FOXP1: variants seen among roughly 807,000 people sequenced by gnomAD.
FOXP1 encodes forkhead box protein P1.
Under a neutral mutation model 98.2 loss-of-function variants are expected in FOXP1, and 15 were observed. That is an observed-to-expected ratio of 0.15 (90% CI 0.10 to 0.24). FOXP1 has a LOEUF of 0.24. Ranked by LOEUF, FOXP1 falls within the 10% of genes least tolerant of loss-of-function variation. The pLI, the probability that FOXP1 is intolerant of heterozygous loss-of-function variation, is 1.00. For missense variants in FOXP1, 633 were observed against 848.5 expected (o/e 0.75, Z 3.15); for synonymous variants, 371 against 314.5 (o/e 1.18, Z -1.90).
At chr3:71,400,276 T>G (rs141041970) in intron 3 of FOXP1, among the ~76,000 whole-genome samples, 12 of 152,336 alleles carry the variant, frequency 7.9e-5, no homozygotes, top group African/African-American at 2.9e-4. Context: ...TTTCAAATTT[T>G]TCATGGACTT....
intron 3 of FOXP1, among the ~76,000 whole-genome samples, chr3:71,460,318 C>A (rs1021248201): frequency 1.3e-5 from 2 of 152,116 alleles, no homozygotes; most frequent in African/African-American, 4.8e-5. Flanking sequence ...CAGCTCACTG[C>A]AACCTCCACC....
chr3:71,504,480 T>C (rs552715976), intron 2 of FOXP1, among the ~76,000 whole-genome samples: 45 of 152,202 alleles, frequency 3.0e-4, no homozygotes, highest in African/African-American at 1.0e-3. Flanking sequence ...AGAAAGTAAA[T>C]GACTAATGAA....
chr3:71,434,690 G>A (rs537672980), intron 3 of FOXP1, among the ~76,000 whole-genome samples: 1 of 151,426 alleles, frequency 6.6e-6, no homozygotes, highest in African/African-American at 2.4e-5. Flanking sequence ...AGGGAGGTGA[G>A]GAGTTAGACT....
intron 2 of FOXP1, among the ~76,000 whole-genome samples, chr3:71,578,560 A>G (rs2107861080): frequency 6.6e-6 from 1 of 152,370 alleles, no homozygotes; most frequent in East Asian, 1.9e-4. Flanking sequence ...AGTCATAAGT[A>G]AAACATGAAA....
At chr3:71,006,212 C>T (rs1201898244) in intron 12 of FOXP1, among the ~76,000 whole-genome samples, 1 of 151,972 alleles carries the variant, frequency 6.6e-6, no homozygotes, top group Non-Finnish European at 1.5e-5. Flanking sequence ...CTCGCTAGTA[C>T]AGAAGCTTTG....
chr3:71,061,932 C>T (rs113231226), intron 7 of FOXP1, among the ~76,000 whole-genome samples: 6 of 152,278 alleles, frequency 3.9e-5, no homozygotes, highest in African/African-American at 1.4e-4. Flanking sequence ...ACGTTTCTGC[C>T]ACATTAACCA....
chr3:71,176,694 T>C (rs2061955745), intron 6 of FOXP1, among the ~76,000 whole-genome samples: 1 of 140,436 alleles, frequency 7.1e-6, no homozygotes, highest in Non-Finnish European at 1.5e-5. Context: ...TGAGCTATGA[T>C]TGGACTACTG....
chr3:71,075,627 T>C (rs1427597406), intron 7 of FOXP1, among the ~76,000 whole-genome samples: 1 of 152,132 alleles, frequency 6.6e-6, no homozygotes, highest in East Asian at 1.9e-4. Context: ...GTGTGCTACA[T>C]ACCCCAGCCA....
intron 6 of FOXP1, 54 bp from the exon 7 acceptor site, chr3:71,112,691 C>A (rs765447635): frequency 5.9e-6 from 8 of 1,360,882 alleles, no homozygotes; most frequent in African/African-American, 1.4e-5. Flanking sequence ...TCAGGGGACT[C>A]TTCATAAAAA....
Position 71,365,945 on chromosome 3 carries a change from C to T in FOXP1, c.-167-6701G>A, listed in dbSNP as rs2078900329. ...TTGCAGTGAGCCCACTGCACTCCAG[C>T]CTGGCGACAGGGCAAGACTCCATTT... is the stretch of plus-strand genomic sequence containing the variant. On this transcript the variant is annotated intron_variant, in intron 3 of 20. Transcript: ENST00000649528. Among the ~76,000 whole-genome samples the T allele has an allele frequency of 2.6e-5, 4 of 152,158 alleles. No individual in the cohort carries two copies. In the South Asian group the frequency reaches 8.3e-4, roughly 32 times the overall value.
chr3:71,473,547 T>A (rs1360935318), intron 3 of FOXP1, among the ~76,000 whole-genome samples: 2 of 152,076 alleles, frequency 1.3e-5, no homozygotes, highest in Admixed American at 1.3e-4. Flanking sequence ...AAACCACCTA[T>A]AACCCAAGGA....
At chr3:71,305,456 T>C (rs2074201304) in intron 4 of FOXP1, among the ~76,000 whole-genome samples, 2 of 152,192 alleles carry the variant, frequency 1.3e-5, no homozygotes, top group Non-Finnish European at 2.9e-5. Flanking sequence ...AAACCTTTCC[T>C]ATTCCGGCAC....
intron 3 of FOXP1, among the ~76,000 whole-genome samples, chr3:71,434,501 T>C (rs892257953): frequency 1.3e-5 from 2 of 152,182 alleles, no homozygotes; most frequent in Non-Finnish European, 2.9e-5. Context: ...TTTATGCACA[T>C]ACATATTATG....
chr3:71,064,049 C>T (rs1217415625), intron 7 of FOXP1, among the ~76,000 whole-genome samples: 2 of 152,080 alleles, frequency 1.3e-5, no homozygotes, highest in East Asian at 1.9e-4. Flanking sequence ...GTGGCAATTC[C>T]TCAGTCTGCT....
chr3:71,582,505 C>T (rs1162862570), intron 1 of FOXP1: 2 of 985,318 alleles, frequency 2.0e-6, no homozygotes, highest in Admixed American at 6.1e-5. Flanking sequence ...AAGCGAGGGA[C>T]GGAGAGCCAT....
At chr3:71,328,956 AGCGAAACTCCATCTC>A in intron 4 of FOXP1, among the ~76,000 whole-genome samples, 1 of 141,208 alleles carries the variant, frequency 7.1e-6, no homozygotes, top group Non-Finnish European at 1.5e-5. Context: ...GGGCAACAAG[AGCGAAACTCCATCTC>A]GCTAAAAAAA....
At chr3:71,280,937 C>T (rs571288391) in intron 5 of FOXP1, among the ~76,000 whole-genome samples, 2 of 148,952 alleles carry the variant, frequency 1.3e-5, no homozygotes, top group Admixed American at 1.4e-4. Context: ...GAGAAAACAG[C>T]TTGTTAGGTG....
At chr3:71,235,944 G>A (rs1009306479) in intron 5 of FOXP1, among the ~76,000 whole-genome samples, 2 of 152,180 alleles carry the variant, frequency 1.3e-5, no homozygotes, top group African/African-American at 4.8e-5. Flanking sequence ...CATATATTAG[G>A]AGAGTATCAA....
Position 71,525,167 on chromosome 3 carries a change from G to A in FOXP1, c.-297-31612C>T, listed in dbSNP as rs965049576. ...TCTAAATGAATTTTCATGAAAGTGC[G>A]CCACACAGCTCAGGAATTTTTAAAA... On this transcript the variant is annotated intron_variant, in intron 2 of 20. Coordinates refer to ENST00000649528, the MANE Select transcript of FOXP1 (RefSeq NM_001349338.3). Among the ~76,000 whole-genome samples the A allele has an allele frequency of 4.6e-5, 7 of 152,220 alleles. No homozygotes were observed. In the South Asian group the frequency reaches 8.3e-4, roughly 18 times the overall value.
Sources: allele counts gnomAD v4.1 joint callset (sites outside exome capture counted in the v4.1 genomes callset), GRCh38; gene constraint gnomAD v4.1.1; transcripts MANE v1.5; gene names NCBI Gene and HGNC (gene_info 2026-07-23, HGNC 2026-07-21).